MTG2: variants seen among roughly 807,000 people sequenced by gnomAD.
MTG2 encodes mitochondrial ribosome associated GTPase 2, also known as mitochondrial ribosome-associated GTPase 2.
In MTG2, 23 loss-of-function variants were observed where a neutral mutation model predicts 28.6. That is an observed-to-expected ratio of 0.80 (90% CI 0.58 to 1.14). The LOEUF is 1.14. MTG2 is among the 50% of genes most tolerant of loss of function. MTG2 has a pLI of 0.00. For synonymous variants in MTG2, 260 were observed against 251.8 expected (o/e 1.03, Z -0.31); for missense variants, 539 against 552.0 (o/e 0.98, Z 0.24).
At chr20:62,184,364 A>C (rs569767789) in intron 1 of MTG2, among the ~76,000 whole-genome samples, 2 of 140,044 alleles carry the variant, frequency 1.4e-5, no homozygotes, top group African/African-American at 5.2e-5. Context: ...TCTCAAAAAC[A>C]TACCCAAAAA....
In MTG2 at chr20:62,202,032, G is replaced by C. The variant is rs745820910; in HGVS notation, c.*955G>C. ...TTGTGCTACGCCAGGCAGTTACCGAGCCGAAGGGAGATGATGGGCCTTCGC... is the reference window on the plus strand; with the variant it reads ...TTGTGCTACGCCAGGCAGTTACCGACCCGAAGGGAGATGATGGGCCTTCGC... On this transcript the variant is annotated 3_prime_UTR_variant, in exon 7 of 7. Coordinates refer to ENST00000370823, the MANE Select transcript of MTG2 (RefSeq NM_015666.4). 9.9e-5 allele frequency: 15 copies of C among 152,274 alleles called. No homozygotes were observed. The highest frequency in any genetic ancestry group is 2.1e-4 in the Non-Finnish European group (14 of 68,066). 9.4% of individuals were successfully genotyped at this position (152,274 alleles called of 1,614,324 possible).
At chr20:62,199,055 A>G in intron 5 of MTG2, 64 bp from the exon 6 acceptor site, 2 of 1,605,300 alleles carry the variant, frequency 1.2e-6, no homozygotes, top group Non-Finnish European at 1.7e-6. Context: ...CCAGTTAGTT[A>G]CAGACTCTGC....
At chr20:62,183,400 A>C (rs985271522) in intron 1 of MTG2, among the ~76,000 whole-genome samples, 2 of 152,238 alleles carry the variant, frequency 1.3e-5, no homozygotes, top group African/African-American at 4.8e-5. Context: ...GTTCCGAGTC[A>C]AGTTGTTAGG....
chr20:62,188,549 C>T (rs1428969437), intron 1 of MTG2, among the ~76,000 whole-genome samples: 5 of 122,620 alleles, frequency 4.1e-5, no homozygotes, highest in South Asian at 2.6e-4. Context: ...CACAAGGTCT[C>T]GCTATTTTGC....
Position 62,193,518 on chromosome 20 carries a change from G to A in MTG2, c.98G>A (p.Arg33Gln), listed in dbSNP as rs775801267. Residue 33 changes from arginine (R) to glutamine (Q), a missense_variant, in exon 2 of 7, where the codon CGG (arginine) becomes CAG (glutamine). By Grantham distance (43) the Arg-to-Gln change is conservative. Coordinates refer to ENST00000370823, the MANE Select transcript of MTG2 (RefSeq NM_015666.4). Reference sequence around the variant, plus strand: ...ACATGGGCTGGCCTGAAGCCCAGCCGGCTACTGCCACAGCGGGCTTCTCCC... The same window carrying A: ...ACATGGGCTGGCCTGAAGCCCAGCCAGCTACTGCCACAGCGGGCTTCTCCC... Reference protein sequence around the residue: ...LSTWAGLKPSRLLPQRASPRL... With the variant: ...LSTWAGLKPSQLLPQRASPRL... 2.0e-5 allele frequency: 33 copies of A among 1,614,036 alleles called. No homozygotes were observed. Among genetic ancestry groups the A allele is most frequent in the Non-Finnish European group, 2.5e-5 (30 of 1,180,026 alleles).
rs1469031755 is a variant in MTG2, at chr20:62,198,769, GC to G, written c.608del (p.Pro203LeufsTer2). On this transcript the variant is annotated frameshift_variant, in exon 5 of 7. Transcript: ENST00000370823. LOFTEE classifies it high-confidence loss of function. ...CTTCTTCCTGGCCAACAACAACCGT[GC>G]CCCTGTGACCTGTACCCCTGGACAG... ...NRFFLANNNR[A>X]PVTCTPGQPG... 2 of 1,614,146 alleles carry G rather than the reference GC, an allele frequency of 1.2e-6. No individual in the cohort carries two copies. Among genetic ancestry groups the G allele is most frequent in the South Asian group, 1.1e-5 (1 of 91,090 alleles).
rs957612243 is a variant in MTG2 at position 62,201,270 on chromosome 20, C to T, written c.*193C>T. ...CGTGCCCCCTACCCCGCCTGCCCTCCGTATTTCCTGCACCTGTCAGCCTGC... is the reference window on the plus strand; with the variant it reads ...CGTGCCCCCTACCCCGCCTGCCCTCTGTATTTCCTGCACCTGTCAGCCTGC... On this transcript the variant is annotated 3_prime_UTR_variant, in exon 7 of 7. Transcript: ENST00000370823. 14 of 663,426 alleles carry T rather than the reference C, an allele frequency of 2.1e-5. No individual in the cohort carries two copies. The highest frequency in any genetic ancestry group is 3.6e-5 in the African/African-American group (2 of 54,958). 41.1% of individuals were successfully genotyped at this position (663,426 alleles called of 1,614,324 possible). A position where few individuals can be genotyped will look rare whatever the true frequency, so the allele number is the denominator to read the frequency against.
chr20:62,187,553 CT>C (rs1601084804), intron 1 of MTG2, among the ~76,000 whole-genome samples: 1 of 152,112 alleles, frequency 6.6e-6, no homozygotes, highest in East Asian at 1.9e-4. Flanking sequence ...TCTTGTGTTT[CT>C]TTAATAAGTT....
In MTG2 at chr20:62,197,845, G is replaced by A. The variant is rs750811305; in HGVS notation, c.353-7G>A. 1 of 1,613,212 alleles carries A rather than the reference G, an allele frequency of 6.2e-7. No homozygotes were observed. The highest frequency in any genetic ancestry group is 1.1e-5 in the South Asian group (1 of 91,074). On this transcript the variant is annotated splice_polypyrimidine_tract_variant and splice_region_variant and intron_variant, in intron 3 of 6. Transcript: ENST00000370823. ...CAAAGGGACTGAGATTCTTGTTCTTGCTTTAGTTGACCAGCAAGTCAAGTC... is the reference window on the plus strand; with the variant it reads ...CAAAGGGACTGAGATTCTTGTTCTTACTTTAGTTGACCAGCAAGTCAAGTC...
At chr20:62,198,882 C>T (rs2058109526) in intron 5 of MTG2, 30 bp downstream of exon 5, 2 of 1,611,986 alleles carry the variant, frequency 1.2e-6, no homozygotes, top group Non-Finnish European at 1.7e-6. Flanking sequence ...ACAGCATCTG[C>T]ACACACTCAG....
intron 3 of MTG2, 160 bp from the exon 4 acceptor site, chr20:62,197,692 A>G (rs986190346): frequency 3.3e-6 from 2 of 603,058 alleles, no homozygotes; most frequent in Non-Finnish European, 5.8e-6. Flanking sequence ...TAAGGATTTC[A>G]TTTTTAAAAA....
chr20:62,198,959 C>A, intron 5 of MTG2, 107 bp downstream of exon 5: 1 of 1,546,682 alleles, frequency 6.5e-7, no homozygotes, highest in East Asian at 2.3e-5. Flanking sequence ...CTTTGCGACT[C>A]ACCTTTTTCC....
At chr20:62,192,695 C>A (rs2057983119) in intron 1 of MTG2, among the ~76,000 whole-genome samples, 1 of 152,144 alleles carries the variant, frequency 6.6e-6, no homozygotes. Context: ...TCTCCTGTCA[C>A]CTGGGAAGTC....
chr20:62,196,801 G>A (rs1400298407), intron 3 of MTG2, among the ~76,000 whole-genome samples: 1 of 151,768 alleles, frequency 6.6e-6, no homozygotes, highest in African/African-American at 2.4e-5. Flanking sequence ...GACCGAGGCG[G>A]GTGGATCGCT....
chr20:62,198,779 C>G lies in MTG2; in HGVS notation c.614C>G (p.Thr205Ser). The G allele has an allele frequency of 6.2e-7, 1 of 1,614,178 alleles. No homozygotes were observed. The highest frequency in any genetic ancestry group is 8.5e-7 in the Non-Finnish European group (1 of 1,180,052). ...FLANNNRAPV[T>S]CTPGQPGQQR... ...GCCAACAACAACCGTGCCCCTGTGA[C>G]CTGTACCCCTGGACAGCCAGGACAG... Residue 205 changes from threonine (T) to serine (S), a missense_variant, in exon 5 of 7, where the codon ACC (threonine) becomes AGC (serine). By Grantham distance (58) the Thr-to-Ser change is moderately conservative (BLOSUM62 1). Transcript: ENST00000370823.
At chr20:62,199,005 C>A in intron 5 of MTG2, 114 bp from the exon 6 acceptor site, 1 of 1,552,050 alleles carries the variant, frequency 6.4e-7, no homozygotes, top group South Asian at 1.2e-5. Context: ...TGAGCATGAG[C>A]CCTTGTGACT....
intron 2 of MTG2, among the ~76,000 whole-genome samples, chr20:62,195,069 GC>G (rs1437925087): frequency 5.9e-5 from 9 of 152,016 alleles, no homozygotes; most frequent in Non-Finnish European, 1.3e-4. Flanking sequence ...AGTGGCGGGT[GC>G]CTGTAGTCCC....
chr20:62,186,528 G>GTTTT (rs56818308), intron 1 of MTG2, among the ~76,000 whole-genome samples: 28 of 127,094 alleles, frequency 2.2e-4, no homozygotes, highest in Admixed American at 6.1e-4. Context: ...TTTTTTTTTT[G>GTTTT]TTTTTTTTTT....
intron 1 of MTG2, among the ~76,000 whole-genome samples, chr20:62,186,013 G>A (rs536684729): frequency 3.3e-4 from 51 of 152,308 alleles, no homozygotes; most frequent in African/African-American, 1.0e-3. Flanking sequence ...CCTTCTCTGC[G>A]GTTGATCTGC....
Sources: allele counts gnomAD v4.1 joint callset (sites outside exome capture counted in the v4.1 genomes callset), GRCh38; gene constraint gnomAD v4.1.1; transcripts MANE v1.5; gene names NCBI Gene and HGNC (gene_info 2026-07-23, HGNC 2026-07-21).